NCLN: variants seen among roughly 807,000 people sequenced by gnomAD.
NCLN encodes the protein nicalin.
In NCLN, 34 loss-of-function variants were observed where a neutral mutation model predicts 69.5. The ratio of observed to expected loss-of-function variants is 0.49; its 90% CI spans 0.37 to 0.65. The LOEUF is 0.65. NCLN is among the 30% of genes least tolerant of loss of function. The probability of loss-of-function intolerance (pLI) is 0.00; values close to 1 mark genes in which losing one functional copy is unlikely to be tolerated. For missense variants in NCLN, 710 were observed against 804.8 expected (o/e 0.88, Z 1.42); for synonymous variants, 393 against 358.3 (o/e 1.10, Z -1.09).
chr19:3,201,652 T>TGGGGGTG, intron 6 of NCLN, 26 bp downstream of exon 6: 5 of 772,818 alleles, frequency 6.5e-6, no homozygotes, highest in Non-Finnish European at 8.0e-6. Flanking sequence ...GGCAGGGGGA[T>TGGGGGTG]GGGGGTGCGG....
At chr19:3,204,784 A>G (rs1916223366) in intron 9 of NCLN, 33 bp downstream of exon 9, 4 of 1,411,864 alleles carry the variant, frequency 2.8e-6, no homozygotes, top group Non-Finnish European at 2.8e-6. Context: ...GGCCCCTCCT[A>G]GGGCTTTCCT....
intron 12 of NCLN, 87 bp downstream of exon 12, chr19:3,206,512 G>A: frequency 7.0e-7 from 1 of 1,429,290 alleles, no homozygotes; most frequent in Non-Finnish European, 9.3e-7. Flanking sequence ...CTCACCCCTG[G>A]GGGATGCCAG....
chr19:3,201,251 G>A (rs572849308), intron 5 of NCLN, among the ~76,000 whole-genome samples: 19 of 152,326 alleles, frequency 1.2e-4, no homozygotes, highest in African/African-American at 4.6e-4. Flanking sequence ...AGGTGGATGA[G>A]GAGAGTCCTG....
intron 4 of NCLN, among the ~76,000 whole-genome samples, chr19:3,197,598 C>T (rs1026097276): frequency 1.2e-4 from 18 of 151,488 alleles, no homozygotes; most frequent in Non-Finnish European, 2.2e-4. Context: ...TGTGCCACCA[C>T]GCCCAGCTAA....
Position 3,205,541 on chromosome 19 carries a change from C to T in NCLN, c.1209-398C>T, listed in dbSNP as rs1916242370. Among the ~76,000 whole-genome samples the T allele has an allele frequency of 6.6e-6, 1 of 152,192 alleles. No individual in the cohort carries two copies. Among genetic ancestry groups the T allele is most frequent in the South Asian group, 2.1e-4 (1 of 4,826 alleles). ...AAATGAGGGTGGGTGCACGGCTGTC[C>T]CAGCTGTGCTGAGCTCTCTCAAGAC... On this transcript the variant is annotated intron_variant, in intron 9 of 14. Coordinates refer to ENST00000246117, the MANE Select transcript of NCLN (RefSeq NM_020170.4). The surrounding 1 kb of genome is among the most constrained non-coding windows in gnomAD (Gnocchi z 4.6).
chr19:3,201,496 G>T, intron 5 of NCLN, 27 bp from the exon 6 acceptor site: 1 of 1,521,032 alleles, frequency 6.6e-7, no homozygotes, highest in Non-Finnish European at 8.8e-7. Context: ...GGGGGTGACT[G>T]TGGCCTTGCC....
chr19:3,203,845 G>C lies in NCLN; in HGVS notation c.889+1G>C. The C allele has an allele frequency of 6.2e-7, 1 of 1,612,436 alleles. No individual in the cohort carries two copies. Among genetic ancestry groups the C allele is most frequent in the Non-Finnish European group, 8.5e-7 (1 of 1,179,656 alleles). Reference sequence around the variant, plus strand: ...CTGGAAGACAACCTGGACCACACAGGTGAGCGGCCCCGGGTGGGGGTGGGG... The same window carrying C: ...CTGGAAGACAACCTGGACCACACAGCTGAGCGGCCCCGGGTGGGGGTGGGG... On this transcript the variant is annotated splice_donor_variant, in intron 7 of 14. Coordinates refer to ENST00000246117, the MANE Select transcript of NCLN (RefSeq NM_020170.4). LOFTEE classifies it high-confidence loss of function.
chr19:3,201,520 T>C lies in NCLN; in HGVS notation c.697-3T>C. ...TGTGGCCTTGCCTCTCCCGTCCCTG[T>C]AGTGGCTGTCGCTGGGCGCGGACTC... On this transcript the variant is annotated splice_region_variant and splice_polypyrimidine_tract_variant and intron_variant, in intron 5 of 14. Coordinates refer to ENST00000246117, the MANE Select transcript of NCLN (RefSeq NM_020170.4). The C allele has an allele frequency of 6.4e-7, 1 of 1,551,276 alleles. No individual in the cohort carries two copies. The highest frequency in any genetic ancestry group is 8.7e-7 in the Non-Finnish European group (1 of 1,154,088).
chr19:3,191,138 C>G (rs539634439), intron 1 of NCLN, among the ~76,000 whole-genome samples: 45 of 149,834 alleles, frequency 3.0e-4, no homozygotes, highest in Middle Eastern at 3.5e-3. Context: ...GGTGCTGAGA[C>G]TTGCAGGGGT....
chr19:3,200,080 G>A lies in NCLN; in HGVS notation c.696+1183G>A, dbSNP rs560707589. Among the ~76,000 whole-genome samples, 8 of 151,974 alleles carry A rather than the reference G, an allele frequency of 5.3e-5. No homozygotes were observed. The South Asian group carries it at 6.2e-4, about 12-fold the overall frequency. ...AGATCTGCTGCCTGGCTGAGTGCCCGACCCCTTGGAGGGCCAGGCCCCCAG... is the reference window on the plus strand; with the variant it reads ...AGATCTGCTGCCTGGCTGAGTGCCCAACCCCTTGGAGGGCCAGGCCCCCAG... On this transcript the variant is annotated intron_variant, in intron 5 of 14. Coordinates refer to ENST00000246117, the MANE Select transcript of NCLN (RefSeq NM_020170.4).
At chr19:3,196,420 C>T (rs999144388) in intron 4 of NCLN, 143 bp downstream of exon 4, 7 of 619,780 alleles carry the variant, frequency 1.1e-5, no homozygotes, top group Admixed American at 3.0e-5. Context: ...TGAAAACCTC[C>T]TGTGGCTCCG....
chr19:3,201,482 G>C, intron 5 of NCLN, 41 bp from the exon 6 acceptor site: 9 of 1,459,134 alleles, frequency 6.2e-6, no homozygotes, highest in Non-Finnish European at 8.3e-6. Flanking sequence ...TGCGGGAGCC[G>C]GGCGGGGGTG....
In NCLN at chr19:3,208,632, C is replaced by G. The variant is rs1033081594; in HGVS notation, c.*944C>G. 1.3e-5 allele frequency: 2 copies of G among 152,494 alleles called. No homozygotes were observed. The highest frequency in any genetic ancestry group is 2.9e-5 in the Non-Finnish European group (2 of 68,218). The allele number at this position is 152,494 out of a possible 1,614,324, so 9.4% of individuals were successfully genotyped here. A position where few individuals can be genotyped will look rare whatever the true frequency, so the allele number is the denominator to read the frequency against. On this transcript the variant is annotated 3_prime_UTR_variant, in exon 15 of 15. Transcript: ENST00000246117. ...CGGCCAGTTGGTCCTCCCTGGGGAA[C>G]TGGGTGCGGGTGGAGTACTGGGAGG...
intron 1 of NCLN, among the ~76,000 whole-genome samples, chr19:3,188,229 C>T (rs1915720520): frequency 6.6e-6 from 1 of 151,966 alleles, no homozygotes; most frequent in African/African-American, 2.4e-5. Context: ...GGCTGCTACA[C>T]TGTCCCTGGG....
At chr19:3,201,111 G>T (rs1033784629) in intron 5 of NCLN, among the ~76,000 whole-genome samples, 1 of 152,248 alleles carries the variant, frequency 6.6e-6, no homozygotes, top group Non-Finnish European at 1.5e-5. Context: ...GAGGGTGGAA[G>T]GGTGGGTCCC....
At chr19:3,206,241 C>T in intron 11 of NCLN, 21 bp from the exon 12 acceptor site, 1 of 1,537,524 alleles carries the variant, frequency 6.5e-7, no homozygotes, top group Non-Finnish European at 8.8e-7. Flanking sequence ...CAGGCCATGA[C>T]TACCACCACC....
intron 5 of NCLN, 137 bp downstream of exon 5, chr19:3,199,034 C>T: frequency 1.8e-6 from 1 of 551,260 alleles, no homozygotes; most frequent in Non-Finnish European, 2.9e-6. Flanking sequence ...GCCCGTCATC[C>T]TGGTCCCCGC....
intron 3 of NCLN, among the ~76,000 whole-genome samples, chr19:3,194,663 T>C (rs1860225775): frequency 1.3e-5 from 2 of 152,160 alleles, no homozygotes; most frequent in African/African-American, 4.8e-5. Context: ...ACAGTGGCCA[T>C]TTTTGTTGTG....
rs2041128 is a variant in NCLN at position 3,209,269 on chromosome 19, C to T, written c.*1581C>T. 0.089 allele frequency: 13,515 copies of T among 152,426 alleles called. 1,075 individuals are homozygous for T. The highest frequency in any genetic ancestry group is 0.4 in the East Asian group (2,060 of 5,168). The allele number at this position is 152,426 out of a possible 1,614,324, so 9.4% of individuals were successfully genotyped here. ...GGACCCTCTTCTCCCGTCTGCCCTG[C>T]GGGTTGCCCGCCTCCTCCAGAGACT... On this transcript the variant is annotated 3_prime_UTR_variant, in exon 15 of 15. Coordinates refer to ENST00000246117, the MANE Select transcript of NCLN (RefSeq NM_020170.4).
Sources: gnomAD v4.1 joint callset for allele counts (sites outside exome capture counted in the v4.1 genomes callset) on GRCh38, gnomAD v4.1.1 for gene constraint, Gnocchi (gnomAD v3.1) non-coding constraint, MANE v1.5 for transcripts, NCBI Gene and HGNC (gene_info 2026-07-23, HGNC 2026-07-21) for gene names.